Variants in GRK3 observed in about 807,000 individuals in gnomAD.
GRK3 encodes G protein-coupled receptor kinase 3.
In GRK3, 54 loss-of-function variants were observed where a neutral mutation model predicts 95.7. The observed-to-expected ratio is 0.56, with a 90% CI of 0.45 to 0.71. GRK3 has a LOEUF of 0.71. Ranked by LOEUF, GRK3 falls within the 30% of genes least tolerant of loss-of-function variation. GRK3 has a pLI of 0.00. For synonymous variants in GRK3, 281 were observed against 290.8 expected, an observed-to-expected ratio of 0.97 and a Z score of 0.34; for missense variants, 649 against 851.2, an observed-to-expected ratio of 0.76 and a Z score of 2.96.
chr22:25,601,718 T>C (rs1344890128), intron 1 of GRK3, among the ~76,000 whole-genome samples: 1 of 151,992 alleles, frequency 6.6e-6, no homozygotes, highest in Non-Finnish European at 1.5e-5. Context: ...GATAATTTAA[T>C]GGAGAAAAAG....
chr22:25,695,169 C>G lies in GRK3; in HGVS notation c.1115C>G (p.Ala372Gly). The G allele has an allele frequency of 1.2e-6, 2 of 1,614,108 alleles. No individual in the cohort carries two copies. Among genetic ancestry groups the G allele is most frequent in the Non-Finnish European group, 1.7e-6 (2 of 1,179,974 alleles). ...AAGGGGACGGCCTATGACAGCAGTG[C>G]CGACTGGTTCTCCCTGGGCTGCATG... ...LQKGTAYDSS[A>G]DWFSLGCMLF... is the part of the protein sequence containing the mutation. Residue 372 changes from alanine to glycine, a missense_variant, in exon 13 of 21, where the codon GCC (alanine) becomes GGC (glycine). Coordinates refer to ENST00000324198, the MANE Select transcript of GRK3 (RefSeq NM_005160.4).
chr22:25,607,584 A>G (rs1403141899), intron 2 of GRK3, among the ~76,000 whole-genome samples: 3 of 151,376 alleles, frequency 2.0e-5, no homozygotes, highest in Non-Finnish European at 2.9e-5. Context: ...ATTTTTATTT[A>G]TTTATTTTTT....
At chr22:25,636,971 G>A (rs2084706561) in intron 2 of GRK3, among the ~76,000 whole-genome samples, 1 of 152,316 alleles carries the variant, frequency 6.6e-6, no homozygotes, top group East Asian at 1.9e-4. Context: ...TTCTGGAAGA[G>A]ACTAGCATTT....
intron 2 of GRK3, among the ~76,000 whole-genome samples, chr22:25,613,322 A>G (rs1206781859): frequency 1.3e-5 from 2 of 151,250 alleles, no homozygotes. Flanking sequence ...GTCAGTTCCC[A>G]CCCTGCCTTA....
intron 2 of GRK3, among the ~76,000 whole-genome samples, chr22:25,622,478 G>A (rs977987088): frequency 3.9e-5 from 6 of 152,122 alleles, no homozygotes; most frequent in South Asian, 2.1e-4. Context: ...GAGCAGCGTC[G>A]TCATCAGCCA....
intron 7 of GRK3, among the ~76,000 whole-genome samples, chr22:25,673,092 C>T (rs1037608297): frequency 1.5e-5 from 2 of 134,560 alleles, no homozygotes; most frequent in African/African-American, 2.8e-5. Context: ...AGACGAGTCT[C>T]GCTCTGTCGC....
chr22:25,604,652 G>T (rs2084431844), intron 2 of GRK3, among the ~76,000 whole-genome samples, 199 bp downstream of exon 2: 2 of 152,180 alleles, frequency 1.3e-5, no homozygotes, highest in Non-Finnish European at 2.9e-5. Flanking sequence ...TAAGCTCTTG[G>T]GAAATGGGTA....
chr22:25,605,382 C>G (rs370790900), intron 2 of GRK3, among the ~76,000 whole-genome samples: 3 of 152,128 alleles, frequency 2.0e-5, no homozygotes, highest in African/African-American at 7.2e-5. Flanking sequence ...TACGGCTTCT[C>G]ATTACTTTCA....
At chr22:25,715,690 T>A (rs1191910920) in intron 18 of GRK3, among the ~76,000 whole-genome samples, 1 of 152,230 alleles carries the variant, frequency 6.6e-6, no homozygotes, top group Non-Finnish European at 1.5e-5. Context: ...TTGTAGTCGA[T>A]GATTATGTTA....
At chr22:25,610,642 T>C (rs1173473104) in intron 2 of GRK3, among the ~76,000 whole-genome samples, 2 of 152,184 alleles carry the variant, frequency 1.3e-5, no homozygotes, top group African/African-American at 4.8e-5. Flanking sequence ...TCTGCTCCCA[T>C]CCTCAGCCCC....
chr22:25,580,467 T>G (rs1932059446), intron 1 of GRK3: 1 of 152,162 alleles, frequency 6.6e-6, no homozygotes, highest in Non-Finnish European at 1.5e-5. Context: ...TATGAGAAAA[T>G]TATCCATAAT....
intron 15 of GRK3, among the ~76,000 whole-genome samples, chr22:25,706,129 T>C (rs2085297689): frequency 6.6e-6 from 1 of 152,246 alleles, no homozygotes; most frequent in Non-Finnish European, 1.5e-5. Context: ...TTTAATTCTT[T>C]GTTTTACTTG....
At chr22:25,607,576 T>C (rs1293878949) in intron 2 of GRK3, among the ~76,000 whole-genome samples, 1 of 151,850 alleles carries the variant, frequency 6.6e-6, no homozygotes, top group East Asian at 1.9e-4. Context: ...TTTAAAAAAT[T>C]TTTATTTATT....
intron 1 of GRK3, among the ~76,000 whole-genome samples, chr22:25,574,618 C>A (rs1690051465): frequency 6.6e-6 from 1 of 152,140 alleles, no homozygotes. Flanking sequence ...TTGGAAACAT[C>A]TTTTTTAAAA....
chr22:25,687,164 A>G (rs1160245797), intron 10 of GRK3, among the ~76,000 whole-genome samples: 2 of 149,644 alleles, frequency 1.3e-5, no homozygotes, highest in Non-Finnish European at 3.0e-5. Context: ...TTGTCTATCC[A>G]TAGAGCCAGT....
chr22:25,564,786 G>A lies in GRK3; in HGVS notation c.-255G>A, dbSNP rs1601436957. 6.7e-6 allele frequency: 1 copy of A among 149,358 alleles called. No homozygotes were observed. Among genetic ancestry groups the A allele is most frequent in the African/African-American group, 2.4e-5 (1 of 40,898 alleles). 9.3% of individuals were successfully genotyped at this position (149,358 alleles called of 1,614,324 possible). A position where few individuals can be genotyped will look rare whatever the true frequency, so the allele number is the denominator to read the frequency against. On this transcript the variant is annotated 5_prime_UTR_variant, in exon 1 of 21. Transcript: ENST00000324198. ...CCTCGCTGAAGGAGCAGGGGGCGGC[G>A]CGCGTGCGCGGGGCGCCGGGCGGCG...
intron 2 of GRK3, among the ~76,000 whole-genome samples, chr22:25,619,775 T>A (rs774585569): frequency 6.7e-6 from 1 of 149,330 alleles, no homozygotes; most frequent in South Asian, 2.2e-4. Flanking sequence ...TATGAGCCAC[T>A]GAGCCAGACC....
At chr22:25,602,867 A>G (rs1395883401) in intron 1 of GRK3, among the ~76,000 whole-genome samples, 2 of 152,194 alleles carry the variant, frequency 1.3e-5, no homozygotes, top group Non-Finnish European at 2.9e-5. Context: ...GTATCTTAAG[A>G]TAGTAGTTAC....
intron 1 of GRK3, among the ~76,000 whole-genome samples, chr22:25,569,026 C>T (rs535739452): frequency 2.6e-5 from 4 of 152,188 alleles, no homozygotes; most frequent in South Asian, 2.1e-4. Context: ...GGAGTTTATT[C>T]GGTAATTGTT....
Sources: gnomAD v4.1 joint callset for allele counts (sites outside exome capture counted in the v4.1 genomes callset) on GRCh38, gnomAD v4.1.1 for gene constraint, MANE v1.5 for transcripts, NCBI Gene and HGNC (gene_info 2026-07-23, HGNC 2026-07-21) for gene names.